Variants in SULT6B1 observed in about 807,000 individuals in gnomAD.
SULT6B1 encodes the protein sulfotransferase family 6B member 1, also known as sulfotransferase 6B1.
SULT6B1 carries 44 observed loss-of-function variants against 37.2 expected under a neutral mutation model. That is an observed-to-expected ratio of 1.18 (90% CI 0.93 to 1.52). The LOEUF (loss-of-function observed/expected upper bound fraction) is 1.52. SULT6B1 is among the 40% of genes most tolerant of loss of function. The pLI is 0.00. For synonymous variants in SULT6B1, 140 were observed against 126.0 expected (o/e 1.11, Z -0.74); for missense variants, 450 against 361.0 (o/e 1.25, Z -2.00).
chr2:37,189,072 T>TGAAAGGAA (rs1212242391), upstream of SULT6B1, among the ~76,000 whole-genome samples: 1 of 152,132 alleles, frequency 6.6e-6, no homozygotes, highest in African/African-American at 2.4e-5. Flanking sequence ...GCAATGGGAT[T>TGAAAGGAA]GTGAGGTAAT....
intron 4 of SULT6B1, among the ~76,000 whole-genome samples, chr2:37,178,719 C>T (rs955107515): frequency 1.3e-5 from 2 of 152,180 alleles, no homozygotes; most frequent in Non-Finnish European, 2.9e-5. Flanking sequence ...TTAACAAAAA[C>T]TTATTTCTGA....
intron 6 of SULT6B1, among the ~76,000 whole-genome samples, chr2:37,168,833 A>C (rs1332793690): frequency 1.3e-5 from 2 of 152,148 alleles, no homozygotes; most frequent in Admixed American, 1.3e-4. Flanking sequence ...TTTCTTAAAG[A>C]TCTTTTGATC....
chr2:37,169,509 A>C (rs910220915), intron 6 of SULT6B1, among the ~76,000 whole-genome samples: 1 of 151,988 alleles, frequency 6.6e-6, no homozygotes, highest in Non-Finnish European at 1.5e-5. Context: ...TTTTTGTTTG[A>C]GACAGAGTCT....
At chr2:37,188,743 A>T (rs771110814), upstream of SULT6B1, 51 of 541,392 alleles carry the variant, frequency 9.4e-5, no homozygotes, top group Non-Finnish European at 1.6e-4. Flanking sequence ...TCCCAGTCAC[A>T]TGAAAAAGAA....
chr2:37,179,985 A>G (rs1052190027), intron 3 of SULT6B1, among the ~76,000 whole-genome samples: 4 of 152,248 alleles, frequency 2.6e-5, no homozygotes, highest in Non-Finnish European at 4.4e-5. Flanking sequence ...AAGATTAAAG[A>G]ATGGCAAAGC....
At chr2:37,174,227 C>CTTTTTTTTTTT (rs35100458) in intron 5 of SULT6B1, among the ~76,000 whole-genome samples, 2 of 58,478 alleles carry the variant, frequency 3.4e-5, no homozygotes, top group African/African-American at 6.7e-5. Context: ...TCTTCCTATT[C>CTTTTTTTTTTT]TTTTTTTTTT....
At chr2:37,185,052 T>C (rs1572464471) in intron 2 of SULT6B1, among the ~76,000 whole-genome samples, 2 of 152,072 alleles carry the variant, frequency 1.3e-5, no homozygotes, top group East Asian at 1.9e-4. Context: ...ACCCCCATTT[T>C]AGAGATTAAG....
chr2:37,175,992 G>C (rs1453433635), intron 4 of SULT6B1, among the ~76,000 whole-genome samples: 1 of 152,016 alleles, frequency 6.6e-6, no homozygotes, highest in Non-Finnish European at 1.5e-5. Context: ...TTTTTAAAAT[G>C]AGAAATTTAG....
Position 37,175,238 on chromosome 2 carries a change from G to A in SULT6B1, c.530-12C>T, listed in dbSNP as rs1050150455. On this transcript the variant is annotated splice_polypyrimidine_tract_variant and intron_variant, in intron 4 of 6. Transcript: ENST00000535679. ...CCTTCCCCAAGAAACTAAAAACACA[G>A]GGGGGAAGACTTTAAGAAATGTCAA... is the stretch of plus-strand genomic sequence containing the variant. 3.3e-6 allele frequency: 5 copies of A among 1,495,744 alleles called. No individual in the cohort carries two copies. The highest frequency in any genetic ancestry group is 1.8e-6 in the Non-Finnish European group (2 of 1,094,166). 92.7% of individuals were successfully genotyped at this position (1,495,744 alleles called of 1,614,324 possible).
At chr2:37,168,504 A>G (rs1050997138) in intron 6 of SULT6B1, among the ~76,000 whole-genome samples, 4 of 152,168 alleles carry the variant, frequency 2.6e-5, no homozygotes, top group African/African-American at 7.2e-5. Flanking sequence ...TGTAAAATTA[A>G]CAATATCCAT....
chr2:37,168,245 C>T (rs1237505140), intron 6 of SULT6B1, among the ~76,000 whole-genome samples, 180 bp from the exon 7 acceptor site: 1 of 151,936 alleles, frequency 6.6e-6, no homozygotes, highest in Non-Finnish European at 1.5e-5. Context: ...GCTGGAGTGC[C>T]GTGGTGCGAT....
chr2:37,181,187 T>G (rs572828309), intron 3 of SULT6B1, among the ~76,000 whole-genome samples: 65 of 152,294 alleles, frequency 4.3e-4, no homozygotes, highest in African/African-American at 1.4e-3. Flanking sequence ...TCTAACACTC[T>G]TCCCTCCCCC....
At chr2:37,193,044 C>T (rs182747869), upstream of SULT6B1, among the ~76,000 whole-genome samples, 3 of 152,292 alleles carry the variant, frequency 2.0e-5, no homozygotes, top group East Asian at 5.8e-4. Context: ...GAAGTCCTAG[C>T]TTCTTTCAGC....
chr2:37,169,403 T>C (rs748651613), intron 6 of SULT6B1, among the ~76,000 whole-genome samples: 1 of 152,190 alleles, frequency 6.6e-6, no homozygotes, highest in East Asian at 1.9e-4. Context: ...CAATGGAAAA[T>C]TAATATTCCT....
Position 37,175,166 on chromosome 2 carries a change from T to C in SULT6B1, c.590A>G (p.Asn197Ser), listed in dbSNP as rs1046844252. 4 of 1,565,072 alleles carry C rather than the reference T, an allele frequency of 2.6e-6. No homozygotes were observed. The highest frequency in any genetic ancestry group is 2.6e-6 in the Non-Finnish European group (3 of 1,154,022). The change falls in exon 5 of 7, where the codon AAT (asparagine) becomes AGT (serine). Residue 197 changes from asparagine to serine, a missense_variant. By Grantham distance (46) the Asn-to-Ser change is conservative. Transcript: ENST00000535679. The stretch of plus-strand genomic sequence containing the variant: ...GTCTTCATATAATATGAACTTAACA[T>C]TGTCGCCATCAAGATGTTTGTTCCA... The part of the protein sequence containing the change: ...INWNKHLDGD[N>S]VKFILYEDLK...
In SULT6B1 at chr2:37,171,312, C is replaced by A. The variant is rs1284055457; in HGVS notation, c.781+122G>T. 3 of 1,222,668 alleles carry A rather than the reference C, an allele frequency of 2.5e-6. No homozygotes were observed. The African/African-American group carries it at 4.6e-5, about 19-fold the overall frequency. The allele number at this position is 1,222,668 out of a possible 1,614,324, so 75.7% of individuals were successfully genotyped here. ...AGCTCTGGAGAGCCTGTGTCCAGACCTCTTACTGAGGCGGAGAAAAATAAA... is the reference window on the plus strand; with the variant it reads ...AGCTCTGGAGAGCCTGTGTCCAGACATCTTACTGAGGCGGAGAAAAATAAA... On this transcript the variant is annotated intron_variant, in intron 6 of 6. Transcript: ENST00000535679.
At chr2:37,182,607 G>A (rs62134996) in intron 3 of SULT6B1, among the ~76,000 whole-genome samples, 41,940 of 152,000 alleles carry the variant, frequency 0.28, 6,897 homozygotes, top group East Asian at 0.78. Flanking sequence ...GGGATTACAA[G>A]TGTGAGTCAC....
intron 5 of SULT6B1, among the ~76,000 whole-genome samples, chr2:37,172,848 G>T (rs1211182820): frequency 1.0e-5 from 1 of 100,090 alleles, no homozygotes; most frequent in Non-Finnish European, 2.0e-5. Flanking sequence ...GTTTGTTTTT[G>T]GTTTTTCGTT....
chr2:37,188,427 C>A lies in SULT6B1; in HGVS notation c.199+15G>T. The A allele has an allele frequency of 1.2e-6, 2 of 1,606,438 alleles. No homozygotes were observed. The highest frequency in any genetic ancestry group is 1.1e-5 in the South Asian group (1 of 90,554). Reference sequence around the variant, plus strand: ...CTATGAGAAGTGTACTTGTAGGAAACGACTTGTCATTTACCGCACTTTGGA... The same window carrying A: ...CTATGAGAAGTGTACTTGTAGGAAAAGACTTGTCATTTACCGCACTTTGGA... On this transcript the variant is annotated intron_variant, in intron 1 of 6. Transcript: ENST00000535679.
Sources: gnomAD v4.1 joint callset for allele counts (sites outside exome capture counted in the v4.1 genomes callset) on GRCh38, gnomAD v4.1.1 for gene constraint, MANE v1.5 for transcripts, NCBI Gene and HGNC (gene_info 2026-07-23, HGNC 2026-07-21) for gene names.